ATP9A: variants seen among roughly 807,000 people sequenced by gnomAD.
ATP9A encodes the protein ATPase phospholipid transporting 9A, also known as probable phospholipid-transporting ATPase IIA.
ATP9A carries 52 observed loss-of-function variants against 144.1 expected under a neutral mutation model. That is an observed-to-expected ratio of 0.36 (90% CI 0.29 to 0.45). ATP9A has a LOEUF of 0.45. Among genes scored for constraint, ATP9A ranks in the 20% least tolerant of loss-of-function variants. The pLI, the probability that ATP9A is intolerant of heterozygous loss-of-function variation, is 1.00. For missense variants in ATP9A, 947 were observed against 1,392.7 expected (o/e 0.68, Z 5.09); for synonymous variants, 582 against 557.4 (o/e 1.04, Z -0.62).
At chr20:51,660,424 C>A (rs2077405963) in intron 13 of ATP9A, among the ~76,000 whole-genome samples, 1 of 152,232 alleles carries the variant, frequency 6.6e-6, no homozygotes, top group Admixed American at 6.5e-5. Flanking sequence ...AAGAGAACCA[C>A]AGACGGTCAG....
At chr20:51,647,217 G>A (rs2077345638) in intron 14 of ATP9A, among the ~76,000 whole-genome samples, 1 of 152,116 alleles carries the variant, frequency 6.6e-6, no homozygotes, top group Admixed American at 6.6e-5. Flanking sequence ...TAAGAAGAAA[G>A]AACAGCATCA....
chr20:51,685,581 A>AAGAAG, intron 9 of ATP9A, among the ~76,000 whole-genome samples: 1 of 150,208 alleles, frequency 6.7e-6, no homozygotes, highest in South Asian at 2.1e-4. Context: ...AAAGAAAAGA[A>AAGAAG]AAAAGAAAAG....
chr20:51,685,979 A>G (rs892929133), intron 9 of ATP9A, among the ~76,000 whole-genome samples: 1 of 152,240 alleles, frequency 6.6e-6, no homozygotes, highest in African/African-American at 2.4e-5. Flanking sequence ...ATGTCCATCA[A>G]TGATAGACTG....
At chr20:51,635,830 G>GAGGGAGGGAAAAAGGAAGGAAGGAGGA (rs2077289458) in intron 15 of ATP9A, among the ~76,000 whole-genome samples, 3 of 58,276 alleles carry the variant, frequency 5.1e-5, no homozygotes, top group Non-Finnish European at 9.6e-5. Flanking sequence ...GGAAGGGAGG[G>GAGGGAGGGAAAAAGGAAGGAAGGAGGA]AGGGAGGGAG....
Position 51,613,749 on chromosome 20 carries a change from C to T in ATP9A, c.2499G>A (p.Arg833=), listed in dbSNP as rs762201218. The T allele has an allele frequency of 2.5e-6, 4 of 1,614,040 alleles. No homozygotes were observed. The highest frequency in any genetic ancestry group is 3.4e-6 in the Non-Finnish European group (4 of 1,180,036). Residue 833 remains arginine (R), a synonymous_variant, in exon 23 of 28, where the codon CGG becomes CGA. Transcript: ENST00000338821. ...HLGRLLMVHG[R]NSYKRSAALS... ...GGGCGGCTGACCGCTTGTAGCTGTT[C>T]CGGCCATGCACCATAAGCAACCGGC... is the stretch of plus-strand genomic sequence containing the variant.
intron 5 of ATP9A, 111 bp from the exon 6 acceptor site, chr20:51,696,255 G>T (rs377293730): frequency 7.6e-6 from 6 of 789,978 alleles, no homozygotes; most frequent in African/African-American, 3.5e-5. Flanking sequence ...GGGGCAGGGG[G>T]GACTGAAACT....
chr20:51,729,766 A>G (rs1277321830), intron 2 of ATP9A, 68 bp downstream of exon 2: 1 of 1,424,796 alleles, frequency 7.0e-7, no homozygotes, highest in Non-Finnish European at 9.3e-7. Context: ...GACATGACAT[A>G]ACATCTGTAC....
intron 14 of ATP9A, among the ~76,000 whole-genome samples, chr20:51,650,898 CACAT>C (rs941635442): frequency 8.4e-6 from 1 of 119,544 alleles, no homozygotes; most frequent in African/African-American, 2.6e-5. Context: ...AAATACATCA[CACAT>C]ACACACACAC....
intron 15 of ATP9A, among the ~76,000 whole-genome samples, chr20:51,630,440 C>T (rs1254913811): frequency 2.6e-5 from 4 of 152,148 alleles, no homozygotes; most frequent in Non-Finnish European, 5.9e-5. Context: ...TGGTGGCTCA[C>T]GCCTGTAGTC....
chr20:51,619,420 G>A (rs1466595526), intron 19 of ATP9A, among the ~76,000 whole-genome samples: 1 of 152,054 alleles, frequency 6.6e-6, no homozygotes, highest in Non-Finnish European at 1.5e-5. Context: ...AAAATTAGCT[G>A]GGCATGGTGG....
chr20:51,704,957 T>C (rs1293371868), intron 4 of ATP9A, among the ~76,000 whole-genome samples: 1 of 152,202 alleles, frequency 6.6e-6, no homozygotes, highest in East Asian at 1.9e-4. Flanking sequence ...TTTGAGGTCC[T>C]TAGTGAAGGA....
chr20:51,689,355 G>A (rs1208526926), intron 8 of ATP9A, among the ~76,000 whole-genome samples: 12 of 152,072 alleles, frequency 7.9e-5, no homozygotes, highest in Admixed American at 6.6e-4. Context: ...ATGTGAAAAA[G>A]TTGGCCTGTG....
chr20:51,733,113 C>A (rs1221783813), intron 1 of ATP9A, among the ~76,000 whole-genome samples: 1 of 151,968 alleles, frequency 6.6e-6, no homozygotes, highest in South Asian at 2.1e-4. Flanking sequence ...TCAAGCTATC[C>A]GGTTACAGTT....
At chr20:51,602,177 G>A (rs1310722870) in intron 27 of ATP9A, among the ~76,000 whole-genome samples, 33 of 151,994 alleles carry the variant, frequency 2.2e-4, no homozygotes, top group African/African-American at 6.5e-4. Context: ...TGGGGGGGGC[G>A]GGCGTACTGC....
At chr20:51,699,847 T>C (rs1390000458) in intron 4 of ATP9A, among the ~76,000 whole-genome samples, 1 of 152,008 alleles carries the variant, frequency 6.6e-6, no homozygotes, top group Non-Finnish European at 1.5e-5. Flanking sequence ...TTCACCATAT[T>C]GGCCAGGCTT....
chr20:51,668,045 G>GT (rs1277134830), intron 13 of ATP9A, among the ~76,000 whole-genome samples: 2 of 136,046 alleles, frequency 1.5e-5, no homozygotes, highest in African/African-American at 5.5e-5. Context: ...CTCCAGCCTG[G>GT]GTGACAGAGT....
intron 9 of ATP9A, among the ~76,000 whole-genome samples, chr20:51,683,188 G>A (rs564779129): frequency 6.6e-6 from 1 of 152,268 alleles, no homozygotes; most frequent in South Asian, 2.1e-4. Flanking sequence ...CCAAGCTCAA[G>A]CAATCCTCCC....
intron 5 of ATP9A, 105 bp downstream of exon 5, chr20:51,697,319 G>T: frequency 8.8e-7 from 1 of 1,134,210 alleles, no homozygotes; most frequent in Non-Finnish European, 1.3e-6. Flanking sequence ...AAAGTTTTTG[G>T]ATAGAATCCC....
At chr20:51,735,643 A>G (rs2122881828) in intron 1 of ATP9A, among the ~76,000 whole-genome samples, 1 of 152,336 alleles carries the variant, frequency 6.6e-6, no homozygotes, top group South Asian at 2.1e-4. Flanking sequence ...GGATAAAATA[A>G]GAACTTTGTG....
Sources: allele counts gnomAD v4.1 joint callset (sites outside exome capture counted in the v4.1 genomes callset), GRCh38; gene constraint gnomAD v4.1.1; transcripts MANE v1.5; gene names NCBI Gene and HGNC (gene_info 2026-07-23, HGNC 2026-07-21).